The following CCDC3 variants were observed in gnomAD, a reference collection of about 807,000 sequenced individuals.
CCDC3 encodes coiled-coil domain containing 3.
A neutral mutation model predicts 21.4 loss-of-function variants in CCDC3; 24 were observed. The observed-to-expected ratio is 1.12, with a 90% CI of 0.81 to 1.58. The LOEUF (loss-of-function observed/expected upper bound fraction) is 1.58, where lower values mean the gene tolerates loss of function less well. CCDC3 is among the 40% of genes most tolerant of loss of function. The pLI is 0.00. For missense variants in CCDC3, 425 were observed against 360.9 expected, an observed-to-expected ratio of 1.18 and a Z score of -1.44; for synonymous variants, 186 against 166.0, an observed-to-expected ratio of 1.12 and a Z score of -0.93.
At chr10:12,968,118 A>G (rs1835287478) in intron 2 of CCDC3, among the ~76,000 whole-genome samples, 1 of 151,834 alleles carries the variant, frequency 6.6e-6, no homozygotes, top group African/African-American at 2.4e-5. Context: ...GCAGGCAGCC[A>G]AGATCACACC....
chr10:12,978,005 C>A (rs1017856265), intron 2 of CCDC3, among the ~76,000 whole-genome samples: 3 of 151,792 alleles, frequency 2.0e-5, no homozygotes, highest in Middle Eastern at 3.4e-3. Context: ...GAAAGAAAAG[C>A]CATTTTCCAC....
intron 5 of CCDC3, among the ~76,000 whole-genome samples, chr10:13,037,719 T>C (rs2131415833): frequency 6.6e-6 from 1 of 152,300 alleles, no homozygotes; most frequent in Non-Finnish European, 1.5e-5. Context: ...CCCGGCACTT[T>C]GGGAGGCCAA....
chr10:12,996,969 G>A (rs1835770943), intron 2 of CCDC3, among the ~76,000 whole-genome samples: 1 of 152,046 alleles, frequency 6.6e-6, no homozygotes. Context: ...TACCTCTCAG[G>A]TACTGTGCTC....
At chr10:12,923,650 C>A (rs1834488944) in intron 2 of CCDC3, among the ~76,000 whole-genome samples, 1 of 152,112 alleles carries the variant, frequency 6.6e-6, no homozygotes, top group African/African-American at 2.4e-5. Context: ...TTGGGATATG[C>A]GTCCCGGTCA....
intron 3 of CCDC3, among the ~76,000 whole-genome samples, chr10:13,093,264 A>C (rs777019998): frequency 3.9e-5 from 6 of 152,194 alleles, no homozygotes; most frequent in Non-Finnish European, 7.3e-5. Flanking sequence ...GCGGCAGGCA[A>C]GAGAGAGAAT....
chr10:12,904,751 G>A (rs1834145738), intron 2 of CCDC3, among the ~76,000 whole-genome samples: 2 of 152,106 alleles, frequency 1.3e-5, no homozygotes, highest in South Asian at 4.1e-4. Flanking sequence ...TCAACATCTT[G>A]AGCAGTTAAG....
intron 2 of CCDC3, among the ~76,000 whole-genome samples, chr10:12,932,410 A>C (rs911300775): frequency 6.8e-6 from 1 of 147,906 alleles, no homozygotes; most frequent in African/African-American, 2.5e-5. Context: ...AGACTATCTC[A>C]CATAATTTAT....
intron 2 of CCDC3, among the ~76,000 whole-genome samples, chr10:12,994,418 A>AC (rs1564313181): frequency 1.1e-5 from 1 of 87,222 alleles, no homozygotes; most frequent in African/African-American, 3.8e-5. Flanking sequence ...CAAAACAAAA[A>AC]AAAAAAACAC....
intron 3 of CCDC3, among the ~76,000 whole-genome samples, chr10:13,091,972 T>C (rs1298888304): frequency 6.6e-6 from 1 of 151,978 alleles, no homozygotes; most frequent in African/African-American, 2.4e-5. Context: ...AAAGTGTCAA[T>C]GTTGTGTCAT....
intron 4 of CCDC3, among the ~76,000 whole-genome samples, chr10:13,063,682 C>G (rs916949459): frequency 6.6e-6 from 1 of 152,200 alleles, no homozygotes; most frequent in Non-Finnish European, 1.5e-5. Flanking sequence ...CACCTCTCTA[C>G]AAACTCATGG....
intron 5 of CCDC3, among the ~76,000 whole-genome samples, chr10:13,021,983 C>A (rs1176404848): frequency 6.6e-6 from 1 of 152,138 alleles, no homozygotes; most frequent in African/African-American, 2.4e-5. Context: ...TGGTCTCGAA[C>A]TCCTGACCTC....
At chr10:13,048,896 C>CT (rs1326841219) in intron 5 of CCDC3, among the ~76,000 whole-genome samples, 10 of 151,934 alleles carry the variant, frequency 6.6e-5, no homozygotes, top group Admixed American at 3.3e-4. Context: ...GCCACGTGGT[C>CT]TTTTTTTTAA....
chr10:12,958,829 C>A (rs1835134189), intron 2 of CCDC3, among the ~76,000 whole-genome samples: 1 of 152,152 alleles, frequency 6.6e-6, no homozygotes, highest in African/African-American at 2.4e-5. Context: ...GAACAGCACG[C>A]TTCTTTCCCT....
At chr10:12,973,295 G>A (rs992278222) in intron 2 of CCDC3, among the ~76,000 whole-genome samples, 16 of 152,104 alleles carry the variant, frequency 1.1e-4, no homozygotes, top group African/African-American at 3.9e-4. Flanking sequence ...CCAGCCACGT[G>A]TCCCAGGTCC....
At chr10:13,052,866 C>T (rs11592430) in intron 4 of CCDC3, among the ~76,000 whole-genome samples, 22,559 of 151,654 alleles carry the variant, frequency 0.15, 1,856 homozygotes, top group Middle Eastern at 0.27. Context: ...CACTTGAACC[C>T]AGGAAGCAGA....
chr10:13,081,751 G>A (rs1295142896), intron 3 of CCDC3, among the ~76,000 whole-genome samples: 1 of 152,170 alleles, frequency 6.6e-6, no homozygotes, highest in African/African-American at 2.4e-5. Flanking sequence ...AAGAACAATT[G>A]AGACAAGGTA....
chr10:13,053,463 A>T (rs1277200360), intron 4 of CCDC3, among the ~76,000 whole-genome samples: 1 of 152,014 alleles, frequency 6.6e-6, no homozygotes, highest in East Asian at 1.9e-4. Flanking sequence ...CCAGCTACTC[A>T]GGAGGATTGC....
chr10:12,935,274 A>T (rs575059319), intron 2 of CCDC3, among the ~76,000 whole-genome samples: 8 of 152,244 alleles, frequency 5.3e-5, no homozygotes, highest in Non-Finnish European at 1.0e-4. Context: ...GCTGGAGTGC[A>T]GTGGCACAAT....
At chr10:12,903,568 G>C (rs925232485) in intron 2 of CCDC3, among the ~76,000 whole-genome samples, 1 of 152,232 alleles carries the variant, frequency 6.6e-6, no homozygotes, top group African/African-American at 2.4e-5. Context: ...ATGTCCTACA[G>C]GGCAGCCCCA....
Sources: gnomAD v4.1 joint callset for allele counts (sites outside exome capture counted in the v4.1 genomes callset) on GRCh38, gnomAD v4.1.1 for gene constraint, MANE v1.5 for transcripts, NCBI Gene and HGNC (gene_info 2026-07-23, HGNC 2026-07-21) for gene names.